Variants in ADGRL3 observed in about 807,000 individuals in gnomAD.
ADGRL3 encodes adhesion G protein-coupled receptor L3, also known as calcium-independent alpha-latrotoxin receptor 3.
A neutral mutation model predicts 153.5 loss-of-function variants in ADGRL3; 62 were observed. That is an observed-to-expected ratio of 0.40 (90% confidence interval 0.33 to 0.50). The LOEUF is 0.50. Among genes scored for constraint, ADGRL3 ranks in the 20% least tolerant of loss-of-function variants. The probability of loss-of-function intolerance (pLI) is 0.47; values close to 1 mark genes in which losing one functional copy is unlikely to be tolerated. For missense variants in ADGRL3, 1,641 were observed against 1,859.4 expected (o/e 0.88, Z 2.16); for synonymous variants, 710 against 672.5 (o/e 1.06, Z -0.86).
intron 25 of ADGRL3, among the ~76,000 whole-genome samples, chr4:62,047,484 T>C (rs1487002534): frequency 1.3e-5 from 2 of 152,116 alleles, no homozygotes; most frequent in African/African-American, 4.8e-5. Flanking sequence ...CCATCTCAAA[T>C]ATTCTGTTCT....
chr4:61,912,640 C>G (rs2098726978), intron 12 of ADGRL3, 79 bp from the exon 13 acceptor site: 4 of 1,284,054 alleles, frequency 3.1e-6, no homozygotes, highest in Non-Finnish European at 4.5e-6. Context: ...TAGATGTGTT[C>G]TTTTATTTTT....
At chr4:61,655,062 TCTTA>T (rs1447976685) in intron 5 of ADGRL3, among the ~76,000 whole-genome samples, 7 of 152,182 alleles carry the variant, frequency 4.6e-5, no homozygotes, top group African/African-American at 1.7e-4. Flanking sequence ...TATGTGTGAC[TCTTA>T]CTATCAGCTG....
At chr4:61,408,848 ATACT>A (rs2097041576) in intron 2 of ADGRL3, among the ~76,000 whole-genome samples, 1 of 152,042 alleles carries the variant, frequency 6.6e-6, no homozygotes, top group Non-Finnish European at 1.5e-5. Flanking sequence ...TAAGTCTAAC[ATACT>A]TTCAAACTTA....
chr4:61,977,315 G>A (rs1280664632), intron 17 of ADGRL3, among the ~76,000 whole-genome samples: 3 of 150,672 alleles, frequency 2.0e-5, no homozygotes, highest in Non-Finnish European at 4.4e-5. Context: ...TGTGCTAAAC[G>A]TTGGTGCTTG....
At chr4:61,802,571 G>A (rs1014022951) in intron 8 of ADGRL3, among the ~76,000 whole-genome samples, 1 of 151,844 alleles carries the variant, frequency 6.6e-6, no homozygotes, top group Non-Finnish European at 1.5e-5. Context: ...ACTGCTCATC[G>A]GTCATCAGGG....
intron 2 of ADGRL3, among the ~76,000 whole-genome samples, chr4:61,429,043 G>A (rs1011511954): frequency 6.6e-5 from 10 of 151,936 alleles, no homozygotes; most frequent in Non-Finnish European, 1.3e-4. Context: ...ATATTGGTAG[G>A]AAGATGTGGT....
chr4:61,844,573 A>AAAAAT (rs1561344508), intron 9 of ADGRL3, among the ~76,000 whole-genome samples: 1 of 15,548 alleles, frequency 6.4e-5, no homozygotes, highest in Non-Finnish European at 1.3e-4. Context: ...AAAAAAAAAA[A>AAAAAT]AAATATATAT....
intron 1 of ADGRL3, among the ~76,000 whole-genome samples, chr4:61,364,344 AAATAAT>A (rs1451513959): frequency 2.3e-4 from 34 of 144,878 alleles, no homozygotes; most frequent in African/African-American, 3.1e-4. Flanking sequence ...AAAAAAAAAA[AAATAAT>A]AATAATAATA....
chr4:61,895,811 T>C lies in ADGRL3; in HGVS notation c.1864T>C (p.Trp622Arg). 1 of 1,593,316 alleles carries C rather than the reference T, an allele frequency of 6.3e-7. No individual in the cohort carries two copies. Among genetic ancestry groups the C allele is most frequent in the Non-Finnish European group, 8.6e-7 (1 of 1,168,464 alleles). The change falls in exon 11 of 27, where the codon TGG becomes CGG. Residue 622 changes from tryptophan (W) to arginine (R), a missense_variant. Around this residue, in one of 5 missense-constraint regions of ADGRL3, gnomAD observed 734 missense variants for 797.0 expected, o/e 0.92. Transcript: ENST00000683033. ...GPDLSNCSSP[W>R]VNHITQKLKS... ...AGATCTCAGCAACTGTTCTTCTCCT[T>C]GGGTCAATCATATAACACAGAAGGT...
intron 21 of ADGRL3, among the ~76,000 whole-genome samples, chr4:61,998,688 G>A (rs1004183673): frequency 6.6e-6 from 1 of 151,404 alleles, no homozygotes; most frequent in Middle Eastern, 3.2e-3. Context: ...CGATTTTCCT[G>A]CCCCAGCCTC....
intron 19 of ADGRL3, 141 bp downstream of exon 19, chr4:61,983,744 G>C (rs1479743650): frequency 2.8e-6 from 2 of 715,464 alleles, no homozygotes; most frequent in Non-Finnish European, 4.5e-6. Flanking sequence ...GTTATACTTT[G>C]GTTATGATGT....
At chr4:61,760,440 C>T (rs1029491998) in intron 8 of ADGRL3, among the ~76,000 whole-genome samples, 9 of 152,276 alleles carry the variant, frequency 5.9e-5, no homozygotes, top group Non-Finnish European at 8.8e-5. Flanking sequence ...GCTCCGTGGG[C>T]GTAGGACCCT....
intron 5 of ADGRL3, among the ~76,000 whole-genome samples, chr4:61,610,308 C>T (rs1054871737): frequency 7.2e-5 from 11 of 152,076 alleles, no homozygotes; most frequent in African/African-American, 2.2e-4. Context: ...AACTTATGTG[C>T]GTAATGCATT....
intron 6 of ADGRL3, among the ~76,000 whole-genome samples, chr4:61,689,292 G>A (rs2095499262): frequency 1.3e-5 from 2 of 152,146 alleles, no homozygotes; most frequent in Admixed American, 6.6e-5. Flanking sequence ...GTCCATAAAT[G>A]TCTCCAGGTG....
At chr4:61,378,497 G>A (rs1327195485) in intron 1 of ADGRL3, among the ~76,000 whole-genome samples, 2 of 151,948 alleles carry the variant, frequency 1.3e-5, no homozygotes, top group African/African-American at 2.4e-5. Context: ...AAACAGTTGA[G>A]CCTAATTTTT....
chr4:61,415,046 T>A (rs1039921905), intron 2 of ADGRL3, among the ~76,000 whole-genome samples: 1 of 151,940 alleles, frequency 6.6e-6, no homozygotes, highest in African/African-American at 2.4e-5. Flanking sequence ...TTTAGAGGTA[T>A]TTCTTATTTT....
intron 25 of ADGRL3, among the ~76,000 whole-genome samples, chr4:62,057,898 C>T (rs1737939398): frequency 6.6e-6 from 1 of 152,094 alleles, no homozygotes; most frequent in African/African-American, 2.4e-5. Flanking sequence ...AGGCTGATAT[C>T]GAGCTCCTGA....
chr4:61,935,394 A>G (rs904408302), intron 14 of ADGRL3, among the ~76,000 whole-genome samples: 2 of 152,154 alleles, frequency 1.3e-5, no homozygotes, highest in Non-Finnish European at 2.9e-5. Context: ...CTTTGAATTC[A>G]CATTATAAAG....
chr4:61,910,242 CTT>C (rs993046858), intron 12 of ADGRL3, among the ~76,000 whole-genome samples: 2 of 151,696 alleles, frequency 1.3e-5, no homozygotes, highest in Non-Finnish European at 1.5e-5. Flanking sequence ...ATTAATAAAA[CTT>C]TAAAAAATCT....
Sources: gnomAD v4.1 joint callset for allele counts (sites outside exome capture counted in the v4.1 genomes callset) on GRCh38, gnomAD v4.1.1 for gene constraint, gnomAD v4.1.1 regional missense constraint, MANE v1.5 for transcripts, NCBI Gene and HGNC (gene_info 2026-07-23, HGNC 2026-07-21) for gene names.